ODF2: variants seen among roughly 807,000 people sequenced by gnomAD.
ODF2 encodes outer dense fiber protein 2.
In ODF2, 47 loss-of-function variants were observed where a neutral mutation model predicts 110.2. That is an observed-to-expected ratio of 0.43 (90% CI 0.34 to 0.54). The LOEUF is 0.54. Ranked by LOEUF, ODF2 falls within the 20% of genes least tolerant of loss-of-function variation. The pLI is 0.03. For missense variants in ODF2, 812 were observed against 1,054.5 expected, an observed-to-expected ratio of 0.77 and a Z score of 3.19; for synonymous variants, 352 against 397.7, an observed-to-expected ratio of 0.89 and a Z score of 1.37.
At chr9:128,456,365 GT>G in intron 1 of ODF2, 110 bp downstream of exon 1, 1 of 1,431,520 alleles carries the variant, frequency 7.0e-7, no homozygotes, top group African/African-American at 1.5e-5. Flanking sequence ...CGGGTCCTGG[GT>G]TCCCCGCCGC....
chr9:128,489,669 G>A (rs931525490), intron 14 of ODF2, among the ~76,000 whole-genome samples: 2 of 152,194 alleles, frequency 1.3e-5, no homozygotes. Flanking sequence ...CCATAGTGTT[G>A]CTGTGAACAT....
chr9:128,491,054 T>C (rs992991950), intron 14 of ODF2, among the ~76,000 whole-genome samples: 1 of 151,858 alleles, frequency 6.6e-6, no homozygotes, highest in Non-Finnish European at 1.5e-5. Flanking sequence ...CGTTTTACCA[T>C]GTTGGCCAGG....
chr9:128,460,553 C>T (rs1836169531), intron 3 of ODF2: 1 of 1,613,694 alleles, frequency 6.2e-7, no homozygotes, highest in Non-Finnish European at 8.5e-7. Flanking sequence ...CTGCCAGAAG[C>T]CAACCATGAA....
In ODF2 at chr9:128,478,328, C is replaced by T. The variant is rs117500596; in HGVS notation, c.844-3252C>T. On this transcript the variant is annotated intron_variant, in intron 8 of 20. Coordinates refer to ENST00000604420, the Ensembl canonical transcript of ODF2. ...AAAAAGGAAAGAAAGCCAGGCATGG[C>T]GGCTCACGCCTGTGATCCTAGCACT... Among the ~76,000 whole-genome samples the T allele has an allele frequency of 9.6e-3, 1,458 of 152,074 alleles. 32 individuals carry two copies. Among genetic ancestry groups the T allele is most frequent in the East Asian group, 0.073 (378 of 5,158 alleles).
chr9:128,498,663 C>A, intron 19 of ODF2, 88 bp downstream of exon 19: 1 of 758,218 alleles, frequency 1.3e-6, no homozygotes, highest in Non-Finnish European at 2.2e-6. Context: ...GAAAAATGGG[C>A]ACACAGTAGT....
Position 128,461,036 on chromosome 9 carries a change from C to A in ODF2, c.218C>A (p.Ser73Ter). The change falls in exon 4 of 21, where the codon TCA becomes TAA. Residue 73 changes from serine (S) to a stop codon, truncating the protein, a stop_gained. Transcript: ENST00000604420. LOFTEE classifies it high-confidence loss of function. ...GTACCTTGGATGCCCCCTGGAAAAT[C>A]ATCTGCCCGGCCTGTGGGATGCAAG... 6.2e-7 allele frequency: 1 copy of A among 1,614,196 alleles called. No homozygotes were observed. The highest frequency in any genetic ancestry group is 1.3e-5 in the African/African-American group (1 of 75,064).
intron 4 of ODF2, among the ~76,000 whole-genome samples, chr9:128,465,557 G>A (rs531870743): frequency 1.1e-4 from 16 of 151,568 alleles, no homozygotes; most frequent in Non-Finnish European, 1.9e-4. Flanking sequence ...CCTGGCCAAC[G>A]TGGTGAAACC....
downstream of ODF2, chr9:128,500,994 A>G (rs746462144): frequency 1.6e-4 from 25 of 152,106 alleles, no homozygotes; most frequent in Non-Finnish European, 3.2e-4. Context: ...CCTTTACCCA[A>G]CCAGTCCTCA....
chr9:128,472,887 T>G, intron 6 of ODF2, 26 bp from the exon 7 acceptor site: 3 of 1,613,176 alleles, frequency 1.9e-6, no homozygotes, highest in Non-Finnish European at 2.5e-6. Flanking sequence ...CTGGGAGGGC[T>G]CACAGAGCCG....
At chr9:128,473,170 T>G in intron 7 of ODF2, 128 bp downstream of exon 7, 1 of 1,479,248 alleles carries the variant, frequency 6.8e-7, no homozygotes, top group Non-Finnish European at 9.0e-7. Flanking sequence ...GAGAGCACGC[T>G]TAACTAGGCC....
chr9:128,497,926 C>G (rs1416911278), intron 18 of ODF2: 4 of 152,602 alleles, frequency 2.6e-5, no homozygotes, highest in African/African-American at 9.6e-5. Flanking sequence ...GCCATATTTG[C>G]CCTATGGCTG....
chr9:128,477,991 G>A (rs1158599559), intron 8 of ODF2, among the ~76,000 whole-genome samples: 1 of 151,866 alleles, frequency 6.6e-6, no homozygotes, highest in African/African-American at 2.4e-5. Context: ...CCCTCAGAGG[G>A]AAGCTTTATT....
intron 10 of ODF2, among the ~76,000 whole-genome samples, chr9:128,483,688 C>T (rs1400834268): frequency 6.6e-6 from 1 of 151,908 alleles, no homozygotes; most frequent in Non-Finnish European, 1.5e-5. Context: ...AGATCGAGAC[C>T]AGTCTGGCCA....
chr9:128,460,682 T>G lies in ODF2; in HGVS notation c.124-260T>G. The G allele has an allele frequency of 6.2e-7, 1 of 1,613,744 alleles. No individual in the cohort carries two copies. Among genetic ancestry groups the G allele is most frequent in the East Asian group, 2.2e-5 (1 of 44,874 alleles). On this transcript the variant is annotated intron_variant, in intron 3 of 20. Coordinates refer to ENST00000604420, the Ensembl canonical transcript of ODF2. ...CAGCAGCCAGGTAGGAGCATGCCAGTGGGGCGAGGTAGTAGCTGTGGATCT... is the reference window on the plus strand; with the variant it reads ...CAGCAGCCAGGTAGGAGCATGCCAGGGGGGCGAGGTAGTAGCTGTGGATCT...
rs1843047966 is a variant in ODF2 at position 128,484,692 on chromosome 9, C to G, written c.1105-9C>G. The G allele has an allele frequency of 3.9e-6, 6 of 1,554,950 alleles. No homozygotes were observed. Among genetic ancestry groups the G allele is most frequent in the African/African-American group, 1.4e-5 (1 of 73,446 alleles). On this transcript the variant is annotated splice_polypyrimidine_tract_variant and intron_variant, in intron 11 of 20. Transcript: ENST00000604420. ...TCTCCCTCTCTTTCTCACCCCTTCC[C>G]CCTTCCAGAATCTGGAGCGCAGCGG...
intron 1 of ODF2, chr9:128,456,968 C>T (rs1427910761): frequency 1.6e-6 from 2 of 1,240,068 alleles, no homozygotes; most frequent in South Asian, 1.7e-5. Context: ...ATCCCCGCGG[C>T]TCCCTGCGCG....
At chr9:128,478,481 C>T (rs1841791400) in intron 8 of ODF2, among the ~76,000 whole-genome samples, 1 of 151,872 alleles carries the variant, frequency 6.6e-6, no homozygotes, top group Non-Finnish European at 1.5e-5. Context: ...TCCTGTAGTC[C>T]CAGTTACTCA....
At position 128,488,045 on chromosome 9, in the gene ODF2, G is replaced by A; in HGVS notation, c.1536+20G>A. On this transcript the variant is annotated intron_variant, in intron 14 of 20. Coordinates refer to ENST00000604420, the Ensembl canonical transcript of ODF2. ...CTGAAGGTTCGCAGTGAGAGCTGGGGACCAGGCAGCTGGATGGGGCCCAGC... is the reference window on the plus strand; with the variant it reads ...CTGAAGGTTCGCAGTGAGAGCTGGGAACCAGGCAGCTGGATGGGGCCCAGC... 4 of 1,613,152 alleles carry A rather than the reference G, an allele frequency of 2.5e-6. No homozygotes were observed. The highest frequency in any genetic ancestry group is 3.4e-6 in the Non-Finnish European group (4 of 1,179,634).
At chr9:128,486,766 C>G (rs4837273) in intron 13 of ODF2, among the ~76,000 whole-genome samples, 43,335 of 152,056 alleles carry the variant, frequency 0.28, 7,216 homozygotes, top group African/African-American at 0.45. Context: ...CATTGCCGTT[C>G]CTGCCTGTGT....
Sources: allele counts gnomAD v4.1 joint callset (sites outside exome capture counted in the v4.1 genomes callset), GRCh38; gene constraint gnomAD v4.1.1; transcripts MANE v1.5; gene names NCBI Gene and HGNC (gene_info 2026-07-23, HGNC 2026-07-21).